ILRUN: variants seen among roughly 807,000 people sequenced by gnomAD.
ILRUN encodes inflammation and lipid regulator with UBA-like and NBR1-like domains.
ILRUN carries 3 observed loss-of-function variants against 33.8 expected under a neutral mutation model. That is an observed-to-expected ratio of 0.09 (90% confidence interval 0.04 to 0.23). The LOEUF (loss-of-function observed/expected upper bound fraction) is 0.23, where lower values mean the gene tolerates loss of function less well. Among genes scored for constraint, ILRUN ranks in the 10% least tolerant of loss-of-function variants. The pLI, the probability that ILRUN is intolerant of heterozygous loss-of-function variation, is 1.00. For missense variants in ILRUN, 210 were observed against 375.1 expected (o/e 0.56, Z 3.64); for synonymous variants, 124 against 138.9 (o/e 0.89, Z 0.75).
At chr6:34,605,994 T>A (rs1347765174) in intron 4 of ILRUN, among the ~76,000 whole-genome samples, 2 of 152,174 alleles carry the variant, frequency 1.3e-5, no homozygotes, top group Non-Finnish European at 2.9e-5. Context: ...TCAATTGGCA[T>A]AGAAGAAAAC....
chr6:34,633,875 G>A (rs1342225353), intron 3 of ILRUN, among the ~76,000 whole-genome samples: 1 of 90,820 alleles, frequency 1.1e-5, no homozygotes, highest in Non-Finnish European at 2.1e-5. Flanking sequence ...GAGACATGGA[G>A]GGAGAGAGGG....
chr6:34,614,428 T>TAAAAAAAAAAA (rs1457803034), intron 3 of ILRUN, among the ~76,000 whole-genome samples: 1 of 109,054 alleles, frequency 9.2e-6, no homozygotes, highest in African/African-American at 4.4e-5. Context: ...TCTCAAAAAA[T>TAAAAAAAAAAA]AATAAAAAAA....
chr6:34,693,152 C>T (rs1219122611), intron 1 of ILRUN, among the ~76,000 whole-genome samples: 2 of 151,984 alleles, frequency 1.3e-5, no homozygotes, highest in East Asian at 1.9e-4. Context: ...TAGATTATGA[C>T]GCTATCTTTC....
chr6:34,631,877 GATTT>G (rs1762253251), intron 3 of ILRUN, among the ~76,000 whole-genome samples: 1 of 151,876 alleles, frequency 6.6e-6, no homozygotes, highest in South Asian at 2.1e-4. Context: ...GCTTTAAAAT[GATTT>G]ATTATGTGGA....
intron 3 of ILRUN, among the ~76,000 whole-genome samples, chr6:34,609,264 G>T (rs1195146745): frequency 6.6e-6 from 1 of 152,164 alleles, no homozygotes; most frequent in Admixed American, 6.5e-5. Flanking sequence ...CGAGGTGGGT[G>T]GATCACTTGA....
intron 2 of ILRUN, among the ~76,000 whole-genome samples, chr6:34,652,069 G>A (rs998262117): frequency 6.6e-6 from 1 of 152,086 alleles, no homozygotes; most frequent in Non-Finnish European, 1.5e-5. Context: ...TGGGATTACA[G>A]GTGTGAGCCA....
chr6:34,594,764 T>C (rs1175685407), intron 4 of ILRUN, among the ~76,000 whole-genome samples: 2 of 152,232 alleles, frequency 1.3e-5, no homozygotes, highest in Non-Finnish European at 2.9e-5. Flanking sequence ...GAAGAGACTT[T>C]TGCCTTAGGC....
intron 3 of ILRUN, among the ~76,000 whole-genome samples, chr6:34,634,472 A>G (rs933610132): frequency 2.0e-5 from 3 of 152,120 alleles, no homozygotes; most frequent in African/African-American, 7.2e-5. Flanking sequence ...AATTAAGAGC[A>G]GAAATCCATA....
chr6:34,685,294 A>G (rs1763491081), intron 1 of ILRUN: 1 of 152,166 alleles, frequency 6.6e-6, no homozygotes, highest in South Asian at 2.1e-4. Flanking sequence ...GGAGTAAGGA[A>G]AAGGATAAAT....
chr6:34,638,160 C>A (rs557428664), intron 3 of ILRUN, among the ~76,000 whole-genome samples: 1 of 151,672 alleles, frequency 6.6e-6, no homozygotes, highest in African/African-American at 2.4e-5. Context: ...AGTGCTGGGA[C>A]TACAGGCATG....
At chr6:34,621,959 A>G (rs1762021849) in intron 3 of ILRUN, among the ~76,000 whole-genome samples, 1 of 152,220 alleles carries the variant, frequency 6.6e-6, no homozygotes, top group South Asian at 2.1e-4. Flanking sequence ...TATATGGTCA[A>G]ATGATTTCAA....
intron 4 of ILRUN, among the ~76,000 whole-genome samples, chr6:34,596,745 G>T (rs1561995170): frequency 6.6e-6 from 1 of 152,196 alleles, no homozygotes; most frequent in Non-Finnish European, 1.5e-5. Flanking sequence ...GCTGATGACA[G>T]GGCAAGCTCA....
rs988405623 is a variant in ILRUN, at chr6:34,617,891, C to T, written c.512-10987G>A. Among the ~76,000 whole-genome samples the T allele has an allele frequency of 9.2e-5, 14 of 152,090 alleles. 1 individual carries two copies. Among genetic ancestry groups the T allele is most frequent in the South Asian group, 4.2e-4 (2 of 4,818 alleles). On this transcript the variant is annotated intron_variant, in intron 3 of 4. Coordinates refer to ENST00000374023, the MANE Select transcript of ILRUN (RefSeq NM_024294.4). The stretch of plus-strand genomic sequence containing the variant: ...AGATCAACCAATGGGCACAAGTTCA[C>T]GCAGGAAAGAAGAGAAGCCTAAGAA...
chr6:34,687,840 T>C (rs1763558377), intron 1 of ILRUN, among the ~76,000 whole-genome samples: 1 of 151,828 alleles, frequency 6.6e-6, no homozygotes, highest in South Asian at 2.1e-4. Flanking sequence ...GTTGGGAATG[T>C]AAAATGATTC....
intron 1 of ILRUN, among the ~76,000 whole-genome samples, chr6:34,672,195 C>T (rs936197153): frequency 6.6e-6 from 1 of 151,966 alleles, no homozygotes; most frequent in Admixed American, 6.6e-5. Context: ...CTTTGCCTCC[C>T]GGGTTCTCCT....
Position 34,629,657 on chromosome 6 carries a change from C to A in ILRUN, c.511+16944G>T, listed in dbSNP as rs932367886. 3.3e-5 allele frequency among the ~76,000 whole-genome samples: 5 copies of A among 152,194 alleles called. No individual in the cohort carries two copies. The South Asian group carries it at 1.0e-3, about 32-fold the overall frequency. ...CTAGATGTCATTTTCTGGGCATTAT[C>A]CTGTTTGGTGTTCTCTGAGCTTCCT... On this transcript the variant is annotated intron_variant, in intron 3 of 4. Transcript: ENST00000374023.
rs116769940 is a variant in ILRUN at position 34,684,332 on chromosome 6, C to T, written c.158+12114G>A. 4.3e-3 allele frequency among the ~76,000 whole-genome samples: 651 copies of T among 152,188 alleles called. 6 individuals carry two copies. The highest frequency in any genetic ancestry group is 0.015 in the African/African-American group (606 of 41,526). On this transcript the variant is annotated intron_variant, in intron 1 of 4. Coordinates refer to ENST00000374023, the MANE Select transcript of ILRUN (RefSeq NM_024294.4). ...TTCTAAACTATTTGAACTTATTATG[C>T]GCTTATATGACTTTTTAAAGTTTTT...
intron 3 of ILRUN, among the ~76,000 whole-genome samples, chr6:34,640,440 C>T (rs1292297233): frequency 2.0e-5 from 3 of 152,182 alleles, no homozygotes; most frequent in South Asian, 2.1e-4. Flanking sequence ...GGGCCGGGCG[C>T]GGTGGCTCAT....
chr6:34,597,383 G>T (rs144058852), intron 4 of ILRUN, among the ~76,000 whole-genome samples: 1 of 152,190 alleles, frequency 6.6e-6, no homozygotes, highest in Non-Finnish European at 1.5e-5. Context: ...GAGGAAGAAC[G>T]AACAGTAACA....
Sources: gnomAD v4.1 joint callset for allele counts (sites outside exome capture counted in the v4.1 genomes callset) on GRCh38, gnomAD v4.1.1 for gene constraint, MANE v1.5 for transcripts, NCBI Gene and HGNC (gene_info 2026-07-23, HGNC 2026-07-21) for gene names.